PDE7B: variants seen among roughly 807,000 people sequenced by gnomAD.
PDE7B encodes phosphodiesterase 7B.
In PDE7B, 29 loss-of-function variants were observed where a neutral mutation model predicts 56.2. That is an observed-to-expected ratio of 0.52 (90% CI 0.38 to 0.70). PDE7B has a LOEUF of 0.70. Among genes scored for constraint, PDE7B ranks in the 30% least tolerant of loss-of-function variants. The pLI is 0.00. For missense variants in PDE7B, 490 were observed against 565.0 expected (o/e 0.87, Z 1.35); for synonymous variants, 197 against 196.9 (o/e 1.00, Z 0.00).
At chr6:135,911,875 G>T (rs1324276676) in intron 1 of PDE7B, among the ~76,000 whole-genome samples, 4 of 152,144 alleles carry the variant, frequency 2.6e-5, no homozygotes, top group Admixed American at 6.5e-5. Context: ...ATATTTAGCT[G>T]CTAGAAATTT....
intron 1 of PDE7B, among the ~76,000 whole-genome samples, chr6:135,898,490 T>G (rs1484394401): frequency 6.6e-6 from 1 of 152,200 alleles, no homozygotes; most frequent in Non-Finnish European, 1.5e-5. Context: ...AGAATGCAGT[T>G]ATATATGTCA....
chr6:136,165,143 T>C (rs779479985), intron 8 of PDE7B, among the ~76,000 whole-genome samples: 1 of 152,218 alleles, frequency 6.6e-6, no homozygotes, highest in Admixed American at 6.5e-5. Context: ...TGTTATAAGG[T>C]GTTGTAGACA....
chr6:135,951,116 C>G (rs912380238), intron 2 of PDE7B, among the ~76,000 whole-genome samples: 1 of 152,156 alleles, frequency 6.6e-6, no homozygotes, highest in Non-Finnish European at 1.5e-5. Flanking sequence ...TGTGGATGAT[C>G]AAGTTAAACA....
At chr6:136,087,865 A>G (rs1777318849) in intron 2 of PDE7B, among the ~76,000 whole-genome samples, 1 of 152,192 alleles carries the variant, frequency 6.6e-6, no homozygotes, top group Admixed American at 6.5e-5. Context: ...TTCTAGTTGA[A>G]ATTGGGAACA....
At chr6:135,926,127 C>T (rs893377680) in intron 1 of PDE7B, among the ~76,000 whole-genome samples, 12 of 143,050 alleles carry the variant, frequency 8.4e-5, no homozygotes, top group Non-Finnish European at 1.2e-4. Flanking sequence ...CACTCTGTCG[C>T]CCAGGCTGCA....
At chr6:136,130,404 C>T (rs1778097520) in intron 3 of PDE7B, among the ~76,000 whole-genome samples, 1 of 152,166 alleles carries the variant, frequency 6.6e-6, no homozygotes, top group Non-Finnish European at 1.5e-5. Flanking sequence ...TACCAGGTGC[C>T]ATCTTGCCTC....
At chr6:136,121,539 G>A (rs907981818) in intron 3 of PDE7B, among the ~76,000 whole-genome samples, 35 of 152,200 alleles carry the variant, frequency 2.3e-4, no homozygotes, top group Admixed American at 2.3e-3. Flanking sequence ...GGGTAAACTA[G>A]ATTACACTAT....
intron 1 of PDE7B, among the ~76,000 whole-genome samples, chr6:135,894,603 C>T (rs937593954): frequency 7.2e-5 from 11 of 152,092 alleles, no homozygotes; most frequent in African/African-American, 2.4e-5. Context: ...CAATAGCCTC[C>T]CACATTCTCT....
At chr6:136,056,217 C>T (rs1776728888) in intron 2 of PDE7B, among the ~76,000 whole-genome samples, 1 of 152,208 alleles carries the variant, frequency 6.6e-6, no homozygotes, top group Admixed American at 6.5e-5. Context: ...TGCTATACGT[C>T]TTCAGTCTTC....
At chr6:135,924,639 T>TTTG (rs1774150054) in intron 1 of PDE7B, among the ~76,000 whole-genome samples, 1 of 122,960 alleles carries the variant, frequency 8.1e-6, no homozygotes. Context: ...TTTTTTTTTT[T>TTTG]TTTGTGGGAT....
At chr6:136,150,323 A>G (rs974365408) in intron 5 of PDE7B, among the ~76,000 whole-genome samples, 1 of 152,192 alleles carries the variant, frequency 6.6e-6, no homozygotes, top group Non-Finnish European at 1.5e-5. Flanking sequence ...GTTTTCTTCC[A>G]GTAGTTTCAT....
chr6:136,010,300 A>C (rs536810534), intron 2 of PDE7B, among the ~76,000 whole-genome samples: 36 of 151,774 alleles, frequency 2.4e-4, no homozygotes, highest in Non-Finnish European at 4.4e-4. Flanking sequence ...GTTTAAAGCC[A>C]ATACTTCGAA....
At chr6:135,969,161 G>T (rs1293225865) in intron 2 of PDE7B, among the ~76,000 whole-genome samples, 4 of 151,964 alleles carry the variant, frequency 2.6e-5, no homozygotes, top group Non-Finnish European at 5.9e-5. Context: ...GGGGGTGTTG[G>T]GTGGAAGGGA....
chr6:135,988,111 G>A (rs1297248659), intron 2 of PDE7B, among the ~76,000 whole-genome samples: 2 of 152,262 alleles, frequency 1.3e-5, no homozygotes, highest in East Asian at 1.9e-4. Context: ...ATTGGGCAAT[G>A]TTCTAGAAAC....
intron 2 of PDE7B, among the ~76,000 whole-genome samples, chr6:136,009,081 T>C (rs537172188): frequency 6.6e-6 from 1 of 152,154 alleles, no homozygotes; most frequent in East Asian, 1.9e-4. Context: ...GCACCATTTA[T>C]TAAATAGGGA....
intron 9 of PDE7B, among the ~76,000 whole-genome samples, chr6:136,177,769 T>C (rs1170261062): frequency 1.3e-5 from 2 of 152,158 alleles, no homozygotes; most frequent in African/African-American, 2.4e-5. Flanking sequence ...CATTCCCAAA[T>C]ATAGACCCCA....
chr6:136,123,107 T>C (rs113519126), intron 3 of PDE7B, among the ~76,000 whole-genome samples: 2 of 152,176 alleles, frequency 1.3e-5, no homozygotes, highest in Non-Finnish European at 2.9e-5. Flanking sequence ...ATCCCGCACT[T>C]TGGGAGGCTG....
chr6:136,083,367 C>T (rs1777236413), intron 2 of PDE7B, among the ~76,000 whole-genome samples: 1 of 152,134 alleles, frequency 6.6e-6, no homozygotes, highest in Admixed American at 6.6e-5. Context: ...CCTCAAGTAC[C>T]TGAGCATGTG....
At chr6:136,131,811 C>A (rs77121600) in intron 3 of PDE7B, among the ~76,000 whole-genome samples, 6 of 152,036 alleles carry the variant, frequency 3.9e-5, no homozygotes, top group African/African-American at 1.4e-4. Context: ...CGCTTCCAAC[C>A]TTTGCTATGA....
Sources: allele counts gnomAD v4.1 joint callset (sites outside exome capture counted in the v4.1 genomes callset), GRCh38; gene constraint gnomAD v4.1.1; transcripts MANE v1.5; gene names NCBI Gene and HGNC (gene_info 2026-07-23, HGNC 2026-07-21).